LEPR: variants seen among roughly 807,000 people sequenced by gnomAD.
LEPR encodes the protein OB receptor.
In LEPR, 56 loss-of-function variants were observed where a neutral mutation model predicts 114.7. That is an observed-to-expected ratio of 0.49 (90% CI 0.39 to 0.61). LEPR has a LOEUF of 0.61. Ranked by LOEUF, LEPR falls within the 20% of genes least tolerant of loss-of-function variation. The pLI is 0.00. For missense variants in LEPR, 1,202 were observed against 1,352.9 expected (o/e 0.89, Z 1.75); for synonymous variants, 443 against 461.4 (o/e 0.96, Z 0.51).
chr1:65,592,687 TC>T lies in LEPR; in HGVS notation c.529del (p.Gln177LysfsTer37). On this transcript the variant is annotated frameshift_variant, in exon 6 of 20. Transcript: ENST00000349533. LOFTEE classifies it high-confidence loss of function. ...AAGTGTTAGAAGATTCACCTCTGGT[TC>T]CCCAAAAAGGCAGTTTTCAGATGGT... ...PEVLEDSPLV[P>X]QKGSFQMVHC... The T allele has an allele frequency of 6.2e-7, 1 of 1,613,276 alleles. No individual in the cohort carries two copies. The highest frequency in any genetic ancestry group is 8.5e-7 in the Non-Finnish European group (1 of 1,179,400).
chr1:65,421,484 C>A, intron 1 of LEPR: 4 of 1,536,054 alleles, frequency 2.6e-6, no homozygotes, highest in Non-Finnish European at 2.6e-6. Context: ...CATTTCTAAT[C>A]TGTCGAATAG....
At chr1:65,546,453 T>G (rs1651734054) in intron 2 of LEPR, among the ~76,000 whole-genome samples, 1 of 152,136 alleles carries the variant, frequency 6.6e-6, no homozygotes, top group Non-Finnish European at 1.5e-5. Context: ...TGGAATGTTC[T>G]TCCATTTGTT....
At chr1:65,535,949 C>T (rs1245466902) in intron 2 of LEPR, among the ~76,000 whole-genome samples, 1 of 152,136 alleles carries the variant, frequency 6.6e-6, no homozygotes, top group East Asian at 1.9e-4. Flanking sequence ...ATTTCCCAAT[C>T]ATAAGTAATT....
intron 16 of LEPR, among the ~76,000 whole-genome samples, chr1:65,618,365 G>T (rs972955916): frequency 5.3e-5 from 8 of 151,446 alleles, no homozygotes; most frequent in African/African-American, 1.9e-4. Context: ...TCTCTGTGTT[G>T]CCCAGGCTAA....
intron 11 of LEPR, among the ~76,000 whole-genome samples, chr1:65,605,452 G>A (rs1656747797): frequency 6.6e-6 from 1 of 152,106 alleles, no homozygotes; most frequent in Admixed American, 6.6e-5. Flanking sequence ...TTAGCAATAG[G>A]AATATTTTCT....
At chr1:65,627,325 AG>A (rs1658277880) in intron 19 of LEPR, among the ~76,000 whole-genome samples, 1 of 152,256 alleles carries the variant, frequency 6.6e-6, no homozygotes, top group African/African-American at 2.4e-5. Context: ...TGATGTGAAT[AG>A]GCATTTCTCC....
intron 14 of LEPR, 131 bp from the exon 15 acceptor site, chr1:65,615,877 C>G (rs1226891603): frequency 1.6e-6 from 2 of 1,218,548 alleles, no homozygotes; most frequent in East Asian, 5.1e-5. Flanking sequence ...AGCCTCTCAG[C>G]CTTGTAATAG....
intron 3 of LEPR, among the ~76,000 whole-genome samples, chr1:65,566,911 A>G (rs1447573529): frequency 1.3e-5 from 2 of 152,234 alleles, no homozygotes; most frequent in Admixed American, 1.3e-4. Context: ...ACAAGGGACT[A>G]TCAAAGAGAA....
intron 2 of LEPR, among the ~76,000 whole-genome samples, chr1:65,443,133 C>T (rs1403873672): frequency 6.6e-6 from 1 of 152,138 alleles, no homozygotes; most frequent in Non-Finnish European, 1.5e-5. Flanking sequence ...GCATTCTATG[C>T]TCTTATTTAC....
At chr1:65,547,677 A>G (rs1468849652) in intron 2 of LEPR, among the ~76,000 whole-genome samples, 4 of 149,756 alleles carry the variant, frequency 2.7e-5, no homozygotes, top group African/African-American at 7.5e-5. Context: ...TTTTTATTGC[A>G]TCTATTTGAT....
chr1:65,442,778 A>C (rs1413983192), intron 2 of LEPR, among the ~76,000 whole-genome samples: 6 of 152,224 alleles, frequency 3.9e-5, no homozygotes, highest in African/African-American at 9.6e-5. Context: ...CCAACCTGGG[A>C]ATACAAAGAT....
At chr1:65,452,976 A>G (rs1646808838) in intron 2 of LEPR, among the ~76,000 whole-genome samples, 1 of 152,214 alleles carries the variant, frequency 6.6e-6, no homozygotes, top group Non-Finnish European at 1.5e-5. Flanking sequence ...TGGTGTATTC[A>G]GAGATTCAAC....
chr1:65,569,543 C>T (rs1454465454), intron 3 of LEPR, among the ~76,000 whole-genome samples: 1 of 151,850 alleles, frequency 6.6e-6, no homozygotes, highest in Non-Finnish European at 1.5e-5. Context: ...CCCGTCTCTA[C>T]TAAAAGTACA....
In LEPR at chr1:65,489,114, C is replaced by T. The variant is rs1647732579; in HGVS notation, c.-21+63736C>T. Among the ~76,000 whole-genome samples the T allele has an allele frequency of 1.3e-5, 2 of 152,086 alleles. 1 individual carries two copies. The highest frequency in any genetic ancestry group is 4.1e-4 in the South Asian group (2 of 4,826). The stretch of plus-strand genomic sequence containing the variant: ...AGATATCTCTTCAACATACTGATTT[C>T]CTTTCTTTTGGATATTTACCTAGCA... On this transcript the variant is annotated intron_variant, in intron 2 of 19. Transcript: ENST00000349533.
At chr1:65,607,802 A>G (rs1249055731) in intron 11 of LEPR, among the ~76,000 whole-genome samples, 1 of 152,240 alleles carries the variant, frequency 6.6e-6, no homozygotes, top group Non-Finnish European at 1.5e-5. Context: ...AAACTTATGT[A>G]GTGAATCTAA....
intron 2 of LEPR, among the ~76,000 whole-genome samples, chr1:65,445,494 T>TAC (rs1421217125): frequency 6.6e-6 from 1 of 152,200 alleles, no homozygotes; most frequent in Non-Finnish European, 1.5e-5. Context: ...AAGACATCAC[T>TAC]GGGTGCTGGC....
At chr1:65,609,320 A>G (rs1657022897) in intron 12 of LEPR, among the ~76,000 whole-genome samples, 1 of 152,210 alleles carries the variant, frequency 6.6e-6, no homozygotes, top group South Asian at 2.1e-4. Context: ...TTGTTTCTCT[A>G]ACATCTGTTG....
chr1:65,484,639 A>G (rs1389347655), intron 2 of LEPR, among the ~76,000 whole-genome samples: 2 of 152,222 alleles, frequency 1.3e-5, no homozygotes, highest in African/African-American at 4.8e-5. Flanking sequence ...GCATAGTGCC[A>G]TCAGATCAGA....
chr1:65,568,329 C>T (rs1570714868), intron 3 of LEPR, among the ~76,000 whole-genome samples: 1 of 152,080 alleles, frequency 6.6e-6, no homozygotes, highest in East Asian at 1.9e-4. Flanking sequence ...ATGTACATCA[C>T]CTGAATAGTG....
Sources: gnomAD v4.1 joint callset for allele counts (sites outside exome capture counted in the v4.1 genomes callset) on GRCh38, gnomAD v4.1.1 for gene constraint, MANE v1.5 for transcripts, NCBI Gene and HGNC (gene_info 2026-07-23, HGNC 2026-07-21) for gene names.